Variants in BBS2 observed in about 807,000 individuals in gnomAD.
BBS2 encodes Bardet-Biedl syndrome 2, also known as BBSome complex member BBS2.
A neutral mutation model predicts 83.0 loss-of-function variants in BBS2; 62 were observed. That is an observed-to-expected ratio of 0.75 (90% CI 0.61 to 0.92). The LOEUF (loss-of-function observed/expected upper bound fraction) is 0.92. BBS2 is among the 40% of genes least tolerant of loss of function. The pLI is 0.00. For missense variants in BBS2, 784 were observed against 901.0 expected (o/e 0.87, Z 1.66); for synonymous variants, 303 against 326.1 (o/e 0.93, Z 0.76).
chr16:56,505,538 G>A (rs931759774), intron 7 of BBS2, among the ~76,000 whole-genome samples: 22 of 151,910 alleles, frequency 1.4e-4, no homozygotes, highest in Non-Finnish European at 1.3e-4. Flanking sequence ...TTATAGCTCA[G>A]AAAACAATAT....
At chr16:56,494,276 TG>T (rs1567570200) in intron 15 of BBS2, among the ~76,000 whole-genome samples, 1 of 151,828 alleles carries the variant, frequency 6.6e-6, no homozygotes, top group Non-Finnish European at 1.5e-5. Context: ...CCTGAAGCCA[TG>T]ATTTTCAATG....
chr16:56,510,221 G>A (rs1242139938), intron 4 of BBS2, among the ~76,000 whole-genome samples, 187 bp from the exon 5 acceptor site: 4 of 152,170 alleles, frequency 2.6e-5, no homozygotes, highest in Non-Finnish European at 4.4e-5. Context: ...ATCAATGAAG[G>A]AACAGGGGCT....
chr16:56,485,589 C>A lies in BBS2; in HGVS notation c.2059+1G>T, dbSNP rs2144095211. The stretch of plus-strand genomic sequence containing the variant: ...GTGCAGTGTTATGAAAAGAGACTTA[C>A]CCCGCAGACGACCTGCTCTTTGAAT... On this transcript the variant is annotated splice_donor_variant, in intron 16 of 16. Coordinates refer to ENST00000245157, the MANE Select transcript of BBS2 (RefSeq NM_031885.5). LOFTEE classifies it high-confidence loss of function. 1 of 1,614,068 alleles carries A rather than the reference C, an allele frequency of 6.2e-7. No homozygotes were observed. Among genetic ancestry groups the A allele is most frequent in the Non-Finnish European group, 8.5e-7 (1 of 1,179,966 alleles).
At chr16:56,495,802 A>G (rs9932869) in intron 15 of BBS2, among the ~76,000 whole-genome samples, 34,444 of 150,402 alleles carry the variant, frequency 0.23, 4,496 homozygotes, top group African/African-American at 0.36. Context: ...ATATATATGT[A>G]TATATATATA....
intron 15 of BBS2, among the ~76,000 whole-genome samples, chr16:56,494,962 GA>G (rs575309401): frequency 0.015 from 1,295 of 86,590 alleles, 21 homozygotes; most frequent in Admixed American, 0.082. Context: ...ACTCCGTCTC[GA>G]AAAAAAAAAA....
chr16:56,501,591 A>G, intron 9 of BBS2, 94 bp from the exon 10 acceptor site: 1 of 1,475,804 alleles, frequency 6.8e-7, no homozygotes, highest in South Asian at 1.2e-5. Context: ...CAAAAGACAG[A>G]GCCTCCAGCA....
In BBS2 at chr16:56,514,490, TA is replaced by T. The variant is rs753557069; in HGVS notation, c.307del (p.Tyr103MetfsTer14). 3.1e-6 allele frequency: 5 copies of T among 1,614,194 alleles called. No individual in the cohort carries two copies. In the South Asian group the frequency reaches 5.5e-5, roughly 18 times the overall value. ...LVGTQTNLLA[Y>X]DVYNNSDLFY... ...CAAATCCGAATTATTGTAGACATCA[TA>T]AGCCAAAAGATTAGTCTGTGTCCCC... On this transcript the variant is annotated frameshift_variant, in exon 2 of 17. Transcript: ENST00000245157. LOFTEE classifies it high-confidence loss of function.
intron 17 of BBS2, chr16:56,475,986 TC>T (rs1211736598): frequency 6.8e-7 from 1 of 1,464,598 alleles, no homozygotes; most frequent in South Asian, 1.2e-5. Flanking sequence ...TGGTTAATCA[TC>T]CAAGATTTGA....
chr16:56,509,622 T>C, intron 5 of BBS2: 1 of 278,104 alleles, frequency 3.6e-6, no homozygotes, highest in Non-Finnish European at 7.0e-6. Context: ...TCATATAAAG[T>C]ACTTAGAGCA....
At position 56,515,762 on chromosome 16, in the gene BBS2, G is replaced by A. The variant is rs79940068; in HGVS notation, c.118-1082C>T. Reference sequence around the variant, plus strand: ...CCACTGAACACTGCCTTCATGTTCCGTTTGTGTAACACTTTATAACATGCC... The same window carrying A: ...CCACTGAACACTGCCTTCATGTTCCATTTGTGTAACACTTTATAACATGCC... On this transcript the variant is annotated intron_variant, in intron 1 of 16. Coordinates refer to ENST00000245157, the MANE Select transcript of BBS2 (RefSeq NM_031885.5). Among the ~76,000 whole-genome samples the A allele has an allele frequency of 3.7e-3, 556 of 152,284 alleles. 19 individuals carry two copies. In the East Asian group the frequency reaches 0.057, roughly 16 times the overall value.
chr16:56,500,895 AG>A lies in BBS2; in HGVS notation c.1355del (p.Pro452LeufsTer6). 6.2e-7 allele frequency: 1 copy of A among 1,614,190 alleles called. No individual in the cohort carries two copies. Among genetic ancestry groups the A allele is most frequent in the South Asian group, 1.1e-5 (1 of 91,084 alleles). ...CIPIVPPKDVPVDLHLKAFVG... is the reference protein window; with the variant it reads ...CIPIVPPKDVXVDLHLKAFVG... Reference sequence around the variant, plus strand: ...CGAATGCCTTCAAGTGCAGATCCACAGGGACATCTTTGGGAGGCACAATAGG... The same window carrying A: ...CGAATGCCTTCAAGTGCAGATCCACAGGACATCTTTGGGAGGCACAATAGG... On this transcript the variant is annotated frameshift_variant, in exon 11 of 17. Transcript: ENST00000245157. LOFTEE classifies it high-confidence loss of function.
chr16:56,479,383 A>G (rs1963602379), downstream of BBS2, among the ~76,000 whole-genome samples: 1 of 152,196 alleles, frequency 6.6e-6, no homozygotes, highest in African/African-American at 2.4e-5. Flanking sequence ...CTGAGGCAGG[A>G]GAATCGCTTG....
At chr16:56,515,559 G>A (rs1382675198) in intron 1 of BBS2, among the ~76,000 whole-genome samples, 2 of 152,094 alleles carry the variant, frequency 1.3e-5, no homozygotes, top group Admixed American at 6.6e-5. Flanking sequence ...GAAAAACACT[G>A]GACTAGGGAT....
chr16:56,479,565 G>T (rs1402868974), downstream of BBS2, among the ~76,000 whole-genome samples: 1 of 152,200 alleles, frequency 6.6e-6, no homozygotes, highest in Non-Finnish European at 1.5e-5. Flanking sequence ...AGGATCACCT[G>T]AAATCCCACC....
chr16:56,501,072 A>G lies in BBS2; in HGVS notation c.1226-47T>C, dbSNP rs1055510288. ...GTTTAAGAACAACTCCAACTTTGGG[A>G]AGCTGAGGTGGGCAGATCACGAGGT... is the stretch of plus-strand genomic sequence containing the variant. On this transcript the variant is annotated intron_variant, in intron 10 of 16. Transcript: ENST00000245157. 6.9e-6 allele frequency: 11 copies of G among 1,601,240 alleles called. No homozygotes were observed. The Admixed American group carries it at 1.8e-4, about 27-fold the overall frequency.
downstream of BBS2, among the ~76,000 whole-genome samples, chr16:56,484,099 C>T (rs533842354): frequency 3.0e-4 from 44 of 147,624 alleles, 1 homozygote; most frequent in African/African-American, 1.1e-3. Flanking sequence ...CTCTGCCACC[C>T]GGGTTCAAGC....
chr16:56,474,928 A>G, intron 17 of BBS2: 1 of 1,613,902 alleles, frequency 6.2e-7, no homozygotes, highest in Non-Finnish European at 8.5e-7. Context: ...CCCTAGACTT[A>G]ATTCTGTACT....
intron 14 of BBS2, chr16:56,497,374 G>A (rs1208863834): frequency 4.3e-5 from 22 of 507,450 alleles, no homozygotes; most frequent in Admixed American, 1.3e-4. Flanking sequence ...GTATACTTTG[G>A]GGCCAATCAG....
intron 7 of BBS2, among the ~76,000 whole-genome samples, chr16:56,505,374 G>A (rs572887290): frequency 6.6e-6 from 1 of 152,270 alleles, no homozygotes; most frequent in Non-Finnish European, 1.5e-5. Context: ...ATCCAACACT[G>A]ACAGACAAGA....
Sources: gnomAD v4.1 joint callset for allele counts (sites outside exome capture counted in the v4.1 genomes callset) on GRCh38, gnomAD v4.1.1 for gene constraint, MANE v1.5 for transcripts, NCBI Gene and HGNC (gene_info 2026-07-23, HGNC 2026-07-21) for gene names.